The following CPVL variants were observed in gnomAD, a reference collection of about 807,000 sequenced individuals.
CPVL encodes carboxypeptidase vitellogenic like.
CPVL carries 51 observed loss-of-function variants against 63.7 expected under a neutral mutation model. That is an observed-to-expected ratio of 0.80 (90% CI 0.64 to 1.01). The LOEUF (loss-of-function observed/expected upper bound fraction) is 1.01, where lower values mean the gene tolerates loss of function less well. Ranked by LOEUF, CPVL falls within the 50% of genes least tolerant of loss-of-function variation. The pLI is 0.00. For missense variants in CPVL, 530 were observed against 573.1 expected (o/e 0.92, Z 0.77); for synonymous variants, 195 against 206.0 (o/e 0.95, Z 0.46).
intron 7 of CPVL, among the ~76,000 whole-genome samples, chr7:29,085,970 G>C (rs1443643688): frequency 1.3e-5 from 2 of 152,186 alleles, no homozygotes; most frequent in East Asian, 3.8e-4. Context: ...GGTAATATGT[G>C]AGCATGCATT....
upstream of CPVL, among the ~76,000 whole-genome samples, chr7:29,148,842 C>T (rs558135498): frequency 5.9e-5 from 9 of 152,130 alleles, no homozygotes; most frequent in African/African-American, 9.6e-5. Context: ...GTAATTGGGG[C>T]TGATAAAGTG....
chr7:29,003,080 A>C (rs993735932), intron 12 of CPVL, among the ~76,000 whole-genome samples: 10 of 138,172 alleles, frequency 7.2e-5, no homozygotes, highest in Non-Finnish European at 1.3e-4. Context: ...AATAAACACA[A>C]AGCAAACTAA....
intron 4 of CPVL, among the ~76,000 whole-genome samples, chr7:29,183,125 C>T (rs1173514370): frequency 1.4e-5 from 2 of 145,854 alleles, no homozygotes; most frequent in Non-Finnish European, 3.0e-5. Context: ...GCTTTTGTTG[C>T]CTAGGCTGGA....
intron 11 of CPVL, among the ~76,000 whole-genome samples, chr7:29,054,218 T>C (rs961222674): frequency 5.3e-5 from 8 of 152,352 alleles, no homozygotes; most frequent in Non-Finnish European, 1.2e-4. Flanking sequence ...TTTCTATCAA[T>C]TTCTATAGTT....
At chr7:29,072,176 A>T in intron 8 of CPVL, 125 bp downstream of exon 8, 1 of 1,115,348 alleles carries the variant, frequency 9.0e-7, no homozygotes, top group Non-Finnish European at 1.3e-6. Flanking sequence ...TAGGAGATTT[A>T]AGTCATAAAG....
At chr7:29,105,453 T>A (rs1281601620) in intron 3 of CPVL, among the ~76,000 whole-genome samples, 1 of 152,144 alleles carries the variant, frequency 6.6e-6, no homozygotes, top group Non-Finnish European at 1.5e-5. Context: ...GATGAGGGAA[T>A]CCTGTGGTCT....
At chr7:29,142,491 T>A (rs539283210) in intron 1 of CPVL, among the ~76,000 whole-genome samples, 17 of 150,586 alleles carry the variant, frequency 1.1e-4, no homozygotes, top group African/African-American at 3.9e-4. Context: ...GACGTCATCA[T>A]TCTCCTCAAA....
At chr7:29,089,275 G>A (rs996733701) in intron 6 of CPVL, among the ~76,000 whole-genome samples, 2 of 152,162 alleles carry the variant, frequency 1.3e-5, no homozygotes, top group African/African-American at 4.8e-5. Context: ...GGGCAGAAAA[G>A]GTGAGTGGAC....
upstream of CPVL, among the ~76,000 whole-genome samples, chr7:29,149,772 C>G (rs1484375191): frequency 1.3e-5 from 2 of 152,074 alleles, no homozygotes; most frequent in African/African-American, 4.8e-5. Flanking sequence ...CAGCATCAAC[C>G]CAATCTCTGC....
At chr7:29,174,867 A>AG (rs1324487016) in intron 5 of CPVL, among the ~76,000 whole-genome samples, 7 of 152,150 alleles carry the variant, frequency 4.6e-5, no homozygotes, top group Non-Finnish European at 8.8e-5. Flanking sequence ...ATCTAAAAAA[A>AG]AAAAAAAAAG....
At chr7:29,083,385 G>T (rs1462072967) in intron 7 of CPVL, among the ~76,000 whole-genome samples, 1 of 152,168 alleles carries the variant, frequency 6.6e-6, no homozygotes, top group African/African-American at 2.4e-5. Context: ...ACCCTCCCAG[G>T]GTGTGGAGTG....
intron 3 of CPVL, among the ~76,000 whole-genome samples, chr7:29,112,276 G>A (rs1451048367): frequency 6.6e-6 from 1 of 152,076 alleles, no homozygotes; most frequent in East Asian, 1.9e-4. Flanking sequence ...GCTATACAAG[G>A]CCATGGCTGA....
At position 28,995,675 on chromosome 7, in the gene CPVL, ATG is replaced by A; in HGVS notation, c.*95_*96del. Reference sequence around the variant, plus strand: ...TATTGATGAAAAAAATCTTGCAGATATGAAAAGATAATTTTTTTATTCCTATG... The same window carrying A: ...TATTGATGAAAAAAATCTTGCAGATAAAAAGATAATTTTTTTATTCCTATG... On this transcript the variant is annotated 3_prime_UTR_variant, in exon 13 of 13. Transcript: ENST00000265394. 1 of 749,980 alleles carries A rather than the reference ATG, an allele frequency of 1.3e-6. No homozygotes were observed. 46.5% of individuals were successfully genotyped at this position (749,980 alleles called of 1,614,324 possible).
intron 1 of CPVL, chr7:29,193,703 T>G (rs1437564495): frequency 1.3e-5 from 2 of 152,188 alleles, no homozygotes; most frequent in African/African-American, 4.8e-5. Context: ...TGCTCGAGTC[T>G]CTTTCTCTCA....
rs151217521 is a variant in CPVL at position 28,995,781 on chromosome 7, A to G, written c.1422T>C (p.Tyr474=). 9.2e-4 allele frequency: 1,455 copies of G among 1,588,132 alleles called. 13 individuals are homozygous for G. The African/African-American group carries it at 0.018, about 20-fold the overall frequency. The part of the protein sequence containing the change: ...RFIYGKGWDP[Y]VG ...CTTTTGGGAAGGTAGTTTATCCAAC[A>G]TAAGGATCCCATCCTTTTCCATAAA... is the stretch of plus-strand genomic sequence containing the variant. Residue 474 remains tyrosine (Y), a synonymous_variant, in exon 13 of 13, where the codon TAT becomes TAC. Transcript: ENST00000265394.
At chr7:29,099,070 A>AAT (rs1562768795) in intron 3 of CPVL, among the ~76,000 whole-genome samples, 7 of 152,072 alleles carry the variant, frequency 4.6e-5, no homozygotes, top group African/African-American at 1.7e-4. Flanking sequence ...CGTCTCAAAA[A>AAT]AATAATAATA....
intron 5 of CPVL, among the ~76,000 whole-genome samples, chr7:29,174,860 TAAAA>T (rs766262407): frequency 1.3e-5 from 1 of 74,234 alleles, no homozygotes; most frequent in Non-Finnish European, 2.9e-5. Flanking sequence ...AAACTCCATC[TAAAA>T]AAAAAAAAAA....
chr7:29,064,352 A>C, intron 10 of CPVL, 118 bp from the exon 11 acceptor site: 1 of 558,712 alleles, frequency 1.8e-6, no homozygotes, highest in South Asian at 3.4e-5. Context: ...CGGGACTATT[A>C]ACTTGTCGCC....
At chr7:29,122,417 T>C (rs890759255) in intron 1 of CPVL, 2 of 152,182 alleles carry the variant, frequency 1.3e-5, no homozygotes, top group African/African-American at 4.8e-5. Flanking sequence ...AGACATCACC[T>C]GGGGGATGGT....
Sources: gnomAD v4.1 joint callset for allele counts (sites outside exome capture counted in the v4.1 genomes callset) on GRCh38, gnomAD v4.1.1 for gene constraint, MANE v1.5 for transcripts, NCBI Gene and HGNC (gene_info 2026-07-23, HGNC 2026-07-21) for gene names.